The following PRSS12 variants were observed in gnomAD, a reference collection of about 807,000 sequenced individuals.
The protein encoded by PRSS12 is neurotrypsin.
A neutral mutation model predicts 104.4 loss-of-function variants in PRSS12; 85 were observed. The observed-to-expected ratio is 0.81, with a 90% confidence interval of 0.68 to 0.98. The LOEUF (loss-of-function observed/expected upper bound fraction) is 0.98. Ranked by LOEUF, PRSS12 falls within the 50% of genes least tolerant of loss-of-function variation. The probability of loss-of-function intolerance (pLI) is 0.00; values close to 1 mark genes in which losing one functional copy is unlikely to be tolerated. For synonymous variants in PRSS12, 454 were observed against 425.2 expected (o/e 1.07, Z -0.83); for missense variants, 1,141 against 1,139.2 (o/e 1.00, Z -0.02).
Position 118,352,829 on chromosome 4 carries a change from C to A in PRSS12, c.-109G>T, listed in dbSNP as rs1378983653. 4.7e-6 allele frequency: 7 copies of A among 1,502,718 alleles called. No individual in the cohort carries two copies. The highest frequency in any genetic ancestry group is 4.4e-6 in the Non-Finnish European group (5 of 1,127,638). The allele number at this position is 1,502,718 out of a possible 1,614,324, so 93.1% of individuals were successfully genotyped here. A position where few individuals can be genotyped will look rare whatever the true frequency, so the allele number is the denominator to read the frequency against. ...GCCGCGTCCCTCGAATCCCCCAGCCCCCTCCCGCCCCCGCACGCGGACCGC... is the reference window on the plus strand; with the variant it reads ...GCCGCGTCCCTCGAATCCCCCAGCCACCTCCCGCCCCCGCACGCGGACCGC... On this transcript the variant is annotated 5_prime_UTR_variant, in exon 1 of 13. Transcript: ENST00000296498.
At position 118,281,669 on chromosome 4, in the gene PRSS12, T is replaced by C; in HGVS notation, c.*267A>G. ...ATCAGCATAGAATGATTTTGAGAAA[T>C]AGGTAGGGGATAGATGAGGCTTAGA... On this transcript the variant is annotated 3_prime_UTR_variant, in exon 13 of 13. Transcript: ENST00000296498. 1 of 492,296 alleles carries C rather than the reference T, an allele frequency of 2.0e-6. No homozygotes were observed. Among genetic ancestry groups the C allele is most frequent in the Non-Finnish European group, 3.7e-6 (1 of 272,462 alleles). 30.5% of individuals were successfully genotyped at this position (492,296 alleles called of 1,614,324 possible).
chr4:118,352,657 C>A lies in PRSS12; in HGVS notation c.64G>T (p.Asp22Tyr). 1 of 1,613,374 alleles carries A rather than the reference C, an allele frequency of 6.2e-7. No individual in the cohort carries two copies. Among genetic ancestry groups the A allele is most frequent in the Non-Finnish European group, 8.5e-7 (1 of 1,179,602 alleles). The change falls in exon 1 of 13, where the codon GAT becomes TAT. Residue 22 changes from aspartate (D) to tyrosine (Y), a missense_variant. By Grantham distance (160) the Asp-to-Tyr change is radical. Transcript: ENST00000296498. ...TGGAGGGAATCATTGAGGACAGAATCAAAGCCGACCACTTCGGGGAGCGCC... is the reference window on the plus strand; with the variant it reads ...TGGAGGGAATCATTGAGGACAGAATAAAAGCCGACCACTTCGGGGAGCGCC... ...LGALPEVVGF[D>Y]SVLNDSLHHS...
chr4:118,319,670 T>A (rs1159909091), intron 4 of PRSS12, among the ~76,000 whole-genome samples: 1 of 152,032 alleles, frequency 6.6e-6, no homozygotes, highest in Non-Finnish European at 1.5e-5. Context: ...CCAAATCTAC[T>A]TCTTTTTTAA....
chr4:118,289,464 T>A (rs1388079212), intron 11 of PRSS12, among the ~76,000 whole-genome samples: 3 of 152,176 alleles, frequency 2.0e-5, no homozygotes, highest in African/African-American at 7.2e-5. Flanking sequence ...CCCGTTCCCC[T>A]ACCTATAGGC....
chr4:118,348,651 A>T lies in PRSS12; in HGVS notation c.502+3568T>A, dbSNP rs574025377. On this transcript the variant is annotated intron_variant, in intron 1 of 12. Transcript: ENST00000296498. ...TCAGTGTATTCCCATAGCCAGAATG[A>T]TTCTTTTTTTTTTTTTTGAGACAGA... 2.8e-3 allele frequency among the ~76,000 whole-genome samples: 248 copies of T among 89,858 alleles called. 1 individual carries two copies. Among genetic ancestry groups the T allele is most frequent in the African/African-American group, 7.3e-3 (238 of 32,662 alleles). The allele number at this position is 89,858 out of a possible 152,430, so 59.0% of individuals were successfully genotyped here.
intron 11 of PRSS12, among the ~76,000 whole-genome samples, chr4:118,287,123 T>C (rs1299905872): frequency 3.3e-5 from 5 of 152,130 alleles, no homozygotes; most frequent in South Asian, 4.1e-4. Flanking sequence ...CATATGTATA[T>C]ATGGAATACA....
intron 5 of PRSS12, 128 bp downstream of exon 5, chr4:118,318,250 T>C (rs1028091): frequency 0.14 from 128,376 of 897,322 alleles, 10,297 homozygotes; most frequent in South Asian, 0.21. Flanking sequence ...TTCTTTTTGT[T>C]TGTTTTATTT....
At chr4:118,303,930 C>T (rs1050204088) in intron 8 of PRSS12, 6 of 151,916 alleles carry the variant, frequency 3.9e-5, no homozygotes, top group African/African-American at 1.4e-4. Flanking sequence ...ATGAAGCTTC[C>T]TTAATCCAAG....
At position 118,316,396 on chromosome 4, in the gene PRSS12, A is replaced by G; in HGVS notation, c.1151-73T>C. 1.3e-6 allele frequency: 2 copies of G among 1,582,990 alleles called. 1 individual carries two copies. Among genetic ancestry groups the G allele is most frequent in the Non-Finnish European group, 1.7e-6 (2 of 1,158,002 alleles). On this transcript the variant is annotated intron_variant, in intron 5 of 12. Coordinates refer to ENST00000296498, the MANE Select transcript of PRSS12 (RefSeq NM_003619.4). ...AAAGGCAAAACAACATTTGTATTTC[A>G]CAAGAAATATCACCATATTCAGGCC...
intron 4 of PRSS12, among the ~76,000 whole-genome samples, chr4:118,319,142 C>T (rs1723538047): frequency 1.3e-5 from 2 of 152,206 alleles, no homozygotes; most frequent in African/African-American, 2.4e-5. Context: ...TTACTGCAAC[C>T]TTTAACTCCT....
intron 1 of PRSS12, among the ~76,000 whole-genome samples, chr4:118,347,948 G>A (rs969324516): frequency 3.3e-5 from 5 of 152,132 alleles, no homozygotes; most frequent in Admixed American, 2.0e-4. Context: ...ACCATATTCT[G>A]GGCAGCCATG....
chr4:118,336,303 G>A (rs13144171), intron 2 of PRSS12, among the ~76,000 whole-genome samples: 11,501 of 152,150 alleles, frequency 0.076, 606 homozygotes, highest in Non-Finnish European at 0.11. Context: ...AAGAAAAAAT[G>A]AAAATAATAG....
intron 8 of PRSS12, chr4:118,305,834 C>G (rs1743535093): frequency 6.6e-6 from 1 of 152,108 alleles, no homozygotes; most frequent in African/African-American, 2.4e-5. Context: ...CCCCTGATAA[C>G]CACCATTCTA....
intron 4 of PRSS12, among the ~76,000 whole-genome samples, chr4:118,326,929 A>T (rs894573898): frequency 6.6e-6 from 1 of 152,166 alleles, no homozygotes; most frequent in African/African-American, 2.4e-5. Flanking sequence ...GAAGAAGAAG[A>T]CTTATCTTGG....
chr4:118,338,305 C>T lies in PRSS12; in HGVS notation c.512G>A (p.Arg171Gln), dbSNP rs201358260. Residue 171 changes from arginine (R) to glutamine (Q), a missense_variant, in exon 2 of 13, where the codon CGA becomes CAA. Coordinates refer to ENST00000296498, the MANE Select transcript of PRSS12 (RefSeq NM_003619.4). The stretch of plus-strand genomic sequence containing the variant: ...AAACTCATTTTTGCCGCCACGAAGT[C>T]GTACTGATCCTAAAGTGGAAAAGAA... ...GYCDCRHGSV[R>Q]LRGGKNEFEG... 2.9e-5 allele frequency: 46 copies of T among 1,613,886 alleles called. No homozygotes were observed. The East Asian group carries it at 8.7e-4, about 30-fold the overall frequency.
chr4:118,346,882 C>T (rs1724368859), intron 1 of PRSS12, among the ~76,000 whole-genome samples: 1 of 152,162 alleles, frequency 6.6e-6, no homozygotes, highest in Non-Finnish European at 1.5e-5. Context: ...CACGGAAAAA[C>T]TGCCTTCCAC....
chr4:118,317,373 T>C (rs1304161563), intron 5 of PRSS12, among the ~76,000 whole-genome samples: 1 of 152,072 alleles, frequency 6.6e-6, no homozygotes, highest in Non-Finnish European at 1.5e-5. Flanking sequence ...ATGAAACATA[T>C]AAATAATCTT....
chr4:118,310,543 A>G (rs1743682199), intron 7 of PRSS12, among the ~76,000 whole-genome samples: 1 of 152,250 alleles, frequency 6.6e-6, no homozygotes, highest in African/African-American at 2.4e-5. Context: ...TACAGAAATA[A>G]TAATACATAG....
chr4:118,318,348 A>T (rs1560776443), intron 5 of PRSS12, 30 bp downstream of exon 5: 1 of 1,610,880 alleles, frequency 6.2e-7, no homozygotes. Context: ...GGGGGCAAGA[A>T]CTGGTACACT....
Sources: gnomAD v4.1 joint callset for allele counts (sites outside exome capture counted in the v4.1 genomes callset) on GRCh38, gnomAD v4.1.1 for gene constraint, MANE v1.5 for transcripts, NCBI Gene and HGNC (gene_info 2026-07-23, HGNC 2026-07-21) for gene names.